The following LRIG1 variants were observed in gnomAD, a reference collection of about 807,000 sequenced individuals.
LRIG1 encodes the protein leucine rich repeats and immunoglobulin like domains 1.
Under a neutral mutation model 99.2 loss-of-function variants are expected in LRIG1, and 48 were observed. The observed-to-expected ratio is 0.48, with a 90% CI of 0.38 to 0.62. The LOEUF (loss-of-function observed/expected upper bound fraction) is 0.62. LRIG1 is among the 20% of genes least tolerant of loss of function. The probability of loss-of-function intolerance (pLI) is 0.00; values close to 1 mark genes in which losing one functional copy is unlikely to be tolerated. For missense variants in LRIG1, 1,646 were observed against 1,434.4 expected (o/e 1.15, Z -2.38); for synonymous variants, 772 against 596.1 (o/e 1.29, Z -4.30).
chr3:66,400,939 G>A (rs1264329719), intron 9 of LRIG1, among the ~76,000 whole-genome samples: 1 of 152,046 alleles, frequency 6.6e-6, no homozygotes, highest in Non-Finnish European at 1.5e-5. Context: ...CCAGCTTCCA[G>A]GGCAGCCACT....
At chr3:66,433,013 G>C (rs1478698646) in intron 3 of LRIG1, among the ~76,000 whole-genome samples, 1 of 152,214 alleles carries the variant, frequency 6.6e-6, no homozygotes, top group African/African-American at 2.4e-5. Context: ...GGCCCAGCCA[G>C]ACCACCTCTA....
At chr3:66,466,947 A>G (rs951979443) in intron 1 of LRIG1, among the ~76,000 whole-genome samples, 1 of 152,178 alleles carries the variant, frequency 6.6e-6, no homozygotes, top group African/African-American at 2.4e-5. Flanking sequence ...TCATAACACA[A>G]ATTTTCCCTG....
Position 66,380,336 on chromosome 3 carries a change from G to A in LRIG1, c.3209C>T (p.Pro1070Leu). ...GHLPKACDASPESTPLTGQLP... is the reference protein window; with the variant it reads ...GHLPKACDASLESTPLTGQLP... ...CTGTCCTGTCAGTGGCGTGGACTCG[G>A]GACTGGCGTCACATGCTTTGGGGAG... Residue 1070 changes from proline to leucine, a missense_variant, in exon 19 of 19, where the codon CCC becomes CTC. Pro to Leu is a moderately conservative substitution (Grantham distance 98). Transcript: ENST00000273261. 1 of 1,614,150 alleles carries A rather than the reference G, an allele frequency of 6.2e-7. No homozygotes were observed. The highest frequency in any genetic ancestry group is 1.3e-5 in the African/African-American group (1 of 75,030).
intron 9 of LRIG1, among the ~76,000 whole-genome samples, chr3:66,401,261 G>T (rs9837643): frequency 0.93 from 141,656 of 152,286 alleles, 65,989 homozygotes; most frequent in East Asian, 0.99. Context: ...TAACTTAGGC[G>T]CTTTAACCAC....
At chr3:66,399,624 C>T (rs1191426616) in intron 9 of LRIG1, among the ~76,000 whole-genome samples, 11 of 152,044 alleles carry the variant, frequency 7.2e-5, no homozygotes, top group Admixed American at 7.2e-4. Context: ...AAAAATTATC[C>T]GGGCATGGAG....
intron 3 of LRIG1, among the ~76,000 whole-genome samples, chr3:66,428,912 C>T (rs1306693944): frequency 1.3e-5 from 2 of 152,190 alleles, no homozygotes; most frequent in Admixed American, 6.5e-5. Context: ...CACCAGTTCC[C>T]TGGGGAATTT....
At chr3:66,445,800 A>C (rs1246519141) in intron 3 of LRIG1, among the ~76,000 whole-genome samples, 1 of 152,156 alleles carries the variant, frequency 6.6e-6, no homozygotes, top group Non-Finnish European at 1.5e-5. Context: ...TTAGATGGAG[A>C]ATAAGTCTGC....
chr3:66,458,061 G>C (rs1700270405), intron 2 of LRIG1, among the ~76,000 whole-genome samples: 1 of 152,226 alleles, frequency 6.6e-6, no homozygotes, highest in South Asian at 2.1e-4. Context: ...GTGACACTGT[G>C]CAAGTTTAAC....
intron 1 of LRIG1, among the ~76,000 whole-genome samples, chr3:66,476,168 T>C (rs1700718677): frequency 6.6e-6 from 1 of 152,146 alleles, no homozygotes; most frequent in African/African-American, 2.4e-5. Flanking sequence ...CAAGCATGTT[T>C]TCCTCACTCG....
At chr3:66,406,046 A>G in intron 8 of LRIG1, 2 of 986,902 alleles carry the variant, frequency 2.0e-6, no homozygotes, top group Non-Finnish European at 2.4e-6. Context: ...TGGTTCTTAA[A>G]TTTTCCCCCC....
At chr3:66,477,222 A>G (rs540652046) in intron 1 of LRIG1, among the ~76,000 whole-genome samples, 1 of 69,292 alleles carries the variant, frequency 1.4e-5, no homozygotes, top group Non-Finnish European at 3.6e-5. Context: ...TCTTGCTCTT[A>G]CTTAACAGCT....
At chr3:66,404,309 T>A in intron 9 of LRIG1, 1 of 1,288,742 alleles carries the variant, frequency 7.8e-7, no homozygotes, top group Non-Finnish European at 1.0e-6. Flanking sequence ...TCTGCTGAGC[T>A]CCCCGTCACT....
intron 12 of LRIG1, 107 bp from the exon 13 acceptor site, chr3:66,386,408 A>T: frequency 1.1e-6 from 1 of 927,184 alleles, no homozygotes; most frequent in Non-Finnish European, 1.7e-6. Context: ...CAGGAACCAG[A>T]GCTTGAGGTC....
intron 2 of LRIG1, among the ~76,000 whole-genome samples, chr3:66,459,713 G>A (rs181415481): frequency 2.0e-5 from 3 of 152,276 alleles, no homozygotes; most frequent in Admixed American, 2.0e-4. Context: ...AGGTTTGTCT[G>A]CAGGGCTGGA....
intron 1 of LRIG1, among the ~76,000 whole-genome samples, chr3:66,494,077 A>C (rs928381214): frequency 1.4e-4 from 22 of 152,178 alleles, no homozygotes; most frequent in Non-Finnish European, 2.8e-4. Context: ...ACAGGATAAT[A>C]AATTGGAGCT....
intron 6 of LRIG1, among the ~76,000 whole-genome samples, chr3:66,412,034 A>G (rs973888362): frequency 8.3e-4 from 126 of 152,330 alleles, no homozygotes; most frequent in African/African-American, 3.0e-3. Context: ...TTAAAAATAA[A>G]TATTAACGTT....
At chr3:66,416,289 CTCT>C (rs1198584630) in intron 4 of LRIG1, among the ~76,000 whole-genome samples, 1 of 152,190 alleles carries the variant, frequency 6.6e-6, no homozygotes, top group African/African-American at 2.4e-5. Context: ...AAAGAAATCA[CTCT>C]TCTTCTTGCA....
At chr3:66,391,537 T>C (rs905407786) in intron 12 of LRIG1, among the ~76,000 whole-genome samples, 22 of 152,216 alleles carry the variant, frequency 1.4e-4, no homozygotes, top group Admixed American at 3.3e-4. Context: ...GTATACTGTA[T>C]GGTTCCATTT....
At chr3:66,414,086 CAATTA>C (rs1443298844) in intron 5 of LRIG1, among the ~76,000 whole-genome samples, 2 of 152,100 alleles carry the variant, frequency 1.3e-5, no homozygotes, top group Non-Finnish European at 2.9e-5. Context: ...GTAAACTAAA[CAATTA>C]AATTGTTTAC....
Sources: gnomAD v4.1 joint callset for allele counts (sites outside exome capture counted in the v4.1 genomes callset) on GRCh38, gnomAD v4.1.1 for gene constraint, MANE v1.5 for transcripts, NCBI Gene and HGNC (gene_info 2026-07-23, HGNC 2026-07-21) for gene names.